The following IFT74 variants were observed in gnomAD, a reference collection of about 807,000 sequenced individuals.
IFT74 encodes intraflagellar transport protein 74 homolog.
In IFT74, 92 loss-of-function variants were observed where a neutral mutation model predicts 96.7. The observed-to-expected ratio is 0.95, with a 90% CI of 0.80 to 1.13. IFT74 has a LOEUF of 1.13. Among genes scored for constraint, IFT74 ranks in the 50% most tolerant of loss-of-function variants. The pLI is 0.00. For missense variants in IFT74, 811 were observed against 698.2 expected (o/e 1.16, Z -1.82); for synonymous variants, 223 against 213.2 (o/e 1.05, Z -0.40).
intron 4 of IFT74, 100 bp from the exon 5 acceptor site, chr9:26,984,157 T>A (rs1827524785): frequency 4.5e-6 from 4 of 896,776 alleles, no homozygotes; most frequent in Non-Finnish European, 6.5e-6. Context: ...CACAAAACTA[T>A]TTATATTATT....
At chr9:27,039,106 C>T (rs548904779) in intron 13 of IFT74, among the ~76,000 whole-genome samples, 1 of 152,288 alleles carries the variant, frequency 6.6e-6, no homozygotes, top group East Asian at 1.9e-4. Context: ...CATATGGGCA[C>T]CATGGGCACC....
intron 13 of IFT74, among the ~76,000 whole-genome samples, chr9:27,031,772 AAAATAAAAT>A (rs1208306472): frequency 1.5e-4 from 22 of 145,654 alleles, no homozygotes; most frequent in African/African-American, 5.4e-4. Context: ...AAAATAAAAT[AAAATAAAAT>A]AAATAAAATA....
intron 2 of IFT74, among the ~76,000 whole-genome samples, chr9:26,965,179 G>A (rs1011639577): frequency 6.6e-6 from 1 of 151,940 alleles, no homozygotes; most frequent in African/African-American, 2.4e-5. Context: ...ATTTAACATA[G>A]AAAACATAAA....
chr9:26,950,109 G>A (rs540182373), intron 1 of IFT74, among the ~76,000 whole-genome samples: 115 of 152,190 alleles, frequency 7.6e-4, no homozygotes, highest in African/African-American at 2.4e-3. Flanking sequence ...TCAGGAGATC[G>A]AGACCATCCT....
chr9:27,033,419 C>T (rs1758659391), intron 13 of IFT74, among the ~76,000 whole-genome samples: 1 of 151,892 alleles, frequency 6.6e-6, no homozygotes, highest in African/African-American at 2.4e-5. Context: ...ATTAGCCAGG[C>T]ATGGTGATGT....
Position 27,055,537 on chromosome 9 carries a change from G to A in IFT74, c.1334-72G>A. 4.1e-6 allele frequency: 4 copies of A among 965,526 alleles called. No homozygotes were observed. The South Asian group carries it at 7.0e-5, about 17-fold the overall frequency. The allele number at this position is 965,526 out of a possible 1,614,324, so 59.8% of individuals were successfully genotyped here. ...TTCTTAAAAAACATGATTTTTAATAGTTGCATTACATTTCCTTATGTGAAA... is the reference window on the plus strand; with the variant it reads ...TTCTTAAAAAACATGATTTTTAATAATTGCATTACATTTCCTTATGTGAAA... On this transcript the variant is annotated intron_variant, in intron 16 of 19. Transcript: ENST00000380062.
chr9:26,997,468 G>A (rs997323021), intron 8 of IFT74, among the ~76,000 whole-genome samples: 16 of 151,540 alleles, frequency 1.1e-4, no homozygotes, highest in African/African-American at 3.9e-4. Flanking sequence ...TGAGTACCTG[G>A]TACTACAGGC....
chr9:26,978,362 AC>A, intron 3 of IFT74, 99 bp downstream of exon 3: 1 of 1,251,404 alleles, frequency 8.0e-7, no homozygotes, highest in Non-Finnish European at 1.1e-6. Flanking sequence ...TATATTTTGA[AC>A]AATAAGTATT....
At chr9:26,999,736 AT>A in intron 8 of IFT74, 1 of 1,260,762 alleles carries the variant, frequency 7.9e-7, no homozygotes, top group Non-Finnish European at 1.1e-6. Context: ...CATTAAGGAC[AT>A]TTTTATTTTT....
At chr9:26,960,532 C>G (rs1216627873) in intron 1 of IFT74, among the ~76,000 whole-genome samples, 2 of 152,082 alleles carry the variant, frequency 1.3e-5, no homozygotes, top group Admixed American at 6.6e-5. Context: ...TGGTCATAAC[C>G]TACAAAATTG....
At chr9:27,038,410 A>G (rs2131667997) in intron 13 of IFT74, among the ~76,000 whole-genome samples, 1 of 152,156 alleles carries the variant, frequency 6.6e-6, no homozygotes, top group African/African-American at 2.4e-5. Context: ...TTACAGGCAC[A>G]TGCCACCACG....
chr9:27,020,086 A>G (rs1563980064), intron 12 of IFT74, among the ~76,000 whole-genome samples: 1 of 151,204 alleles, frequency 6.6e-6, no homozygotes, highest in African/African-American at 2.4e-5. Flanking sequence ...AGGGATTCTC[A>G]TGCCTCAGCC....
Position 26,973,682 on chromosome 9 carries a change from T to C in IFT74, c.121-4446T>C, listed in dbSNP as rs551548039. ...ATGTGAGTTAATAGATCTTGATGTTTGACTTTTGTATTTTCCAAGATTTTT... is the reference window on the plus strand; with the variant it reads ...ATGTGAGTTAATAGATCTTGATGTTCGACTTTTGTATTTTCCAAGATTTTT... On this transcript the variant is annotated intron_variant, in intron 2 of 19. Coordinates refer to ENST00000380062, the MANE Select transcript of IFT74 (RefSeq NM_025103.4). 9.2e-5 allele frequency among the ~76,000 whole-genome samples: 14 copies of C among 152,324 alleles called. No homozygotes were observed. The East Asian group carries it at 2.7e-3, about 29-fold the overall frequency.
At chr9:27,058,509 C>T (rs916325806) in intron 18 of IFT74, among the ~76,000 whole-genome samples, 1 of 152,176 alleles carries the variant, frequency 6.6e-6, no homozygotes, top group African/African-American at 2.4e-5. Flanking sequence ...CCTCAGCCTC[C>T]CAAGTAGCTG....
intron 18 of IFT74, among the ~76,000 whole-genome samples, chr9:27,058,183 G>A (rs1223900516): frequency 6.6e-6 from 1 of 151,634 alleles, no homozygotes; most frequent in Non-Finnish European, 1.5e-5. Context: ...GGAGCTCCTG[G>A]ACTCAACCGA....
At chr9:27,040,211 T>C (rs1452418922) in intron 13 of IFT74, among the ~76,000 whole-genome samples, 3 of 152,114 alleles carry the variant, frequency 2.0e-5, no homozygotes, top group South Asian at 4.1e-4. Context: ...AGCTCGTTCA[T>C]AGCAGAGTGA....
Position 27,000,316 on chromosome 9 carries a change from A to T in IFT74, c.588-8704A>T, listed in dbSNP as rs1487716535. Among the ~76,000 whole-genome samples, 3 of 152,340 alleles carry T rather than the reference A, an allele frequency of 2.0e-5. 1 individual carries two copies. In the Middle Eastern group the frequency reaches 0.01, roughly 518 times the overall value. ...TGTAAATTTTAAAAATTTAATATAG[A>T]AGTGCACAAAAGAAATTCAGGAAAA... On this transcript the variant is annotated intron_variant, in intron 8 of 19. Coordinates refer to ENST00000380062, the MANE Select transcript of IFT74 (RefSeq NM_025103.4).
chr9:26,979,652 A>G (rs372571556), intron 3 of IFT74, among the ~76,000 whole-genome samples: 3 of 148,310 alleles, frequency 2.0e-5, no homozygotes, highest in African/African-American at 7.4e-5. Context: ...CATACTTTGC[A>G]GGGCACTTCA....
chr9:26,956,718 C>G (rs1826121536), intron 1 of IFT74, among the ~76,000 whole-genome samples: 1 of 151,378 alleles, frequency 6.6e-6, no homozygotes, highest in South Asian at 2.1e-4. Flanking sequence ...AGCCCGACCC[C>G]TCCCCGACCC....
Sources: allele counts gnomAD v4.1 joint callset (sites outside exome capture counted in the v4.1 genomes callset), GRCh38; gene constraint gnomAD v4.1.1; transcripts MANE v1.5; gene names NCBI Gene and HGNC (gene_info 2026-07-23, HGNC 2026-07-21).